The following AMIGO1 variants were observed in gnomAD, a reference collection of about 807,000 sequenced individuals.
AMIGO1 encodes adhesion molecule with Ig like domain 1.
For missense variants in AMIGO1, 361 were observed against 612.3 expected (o/e 0.59, Z 4.33); for synonymous variants, 249 against 266.3 (o/e 0.93, Z 0.63).
rs1490058600 is a variant in AMIGO1, at chr1:109,506,357, A to G, written c.*1074T>C. The stretch of plus-strand genomic sequence containing the variant: ...GGCTTTCTTGGACTCCTCCCTTTAC[A>G]GAGCAGCATATTAGGGAAAATTCAG... On this transcript the variant is annotated 3_prime_UTR_variant, in exon 2 of 2. Transcript: ENST00000369864. The G allele has an allele frequency of 6.6e-6, 1 of 152,240 alleles. No individual in the cohort carries two copies. Among genetic ancestry groups the G allele is most frequent in the Non-Finnish European group, 1.5e-5 (1 of 68,042 alleles). 9.4% of individuals were successfully genotyped at this position (152,240 alleles called of 1,614,324 possible).
chr1:109,508,310 T>C lies in AMIGO1; in HGVS notation c.603A>G (p.Pro201=), dbSNP rs767313622. The C allele has an allele frequency of 1.9e-6, 3 of 1,614,068 alleles. No individual in the cohort carries two copies. Among genetic ancestry groups the C allele is most frequent in the Non-Finnish European group, 2.5e-6 (3 of 1,179,988 alleles). Residue 201 remains proline, a synonymous_variant, in exon 2 of 2, where the codon CCA becomes CCG. Coordinates refer to ENST00000369864, the MANE Select transcript of AMIGO1 (RefSeq NM_020703.4). This position sits in a 1 kb window ranked among gnomAD's most constrained non-coding sequence, Gnocchi z 7.8. ...DLSSNKLKNL[P]LPDLQKLPAW... ...CCGGCAGCTTCTGCAGGTCAGGCAATGGCAAGTTCTTCAGCTTGTTAGAAG... is the reference window on the plus strand; with the variant it reads ...CCGGCAGCTTCTGCAGGTCAGGCAACGGCAAGTTCTTCAGCTTGTTAGAAG...
chr1:109,505,604 T>C lies in AMIGO1; in HGVS notation c.*1827A>G, dbSNP rs1657991305. On this transcript the variant is annotated 3_prime_UTR_variant, in exon 2 of 2. Transcript: ENST00000369864. ...TCTCTCAACAAAACTAGGTTACTAATAAAGGATGGACAGCAGTCTTGAGTT... is the reference window on the plus strand; with the variant it reads ...TCTCTCAACAAAACTAGGTTACTAACAAAGGATGGACAGCAGTCTTGAGTT... 6.6e-6 allele frequency: 1 copy of C among 152,164 alleles called. No individual in the cohort carries two copies. The highest frequency in any genetic ancestry group is 2.4e-5 in the African/African-American group (1 of 41,420). The allele number at this position is 152,164 out of a possible 1,614,324, so 9.4% of individuals were successfully genotyped here. A position where few individuals can be genotyped will look rare whatever the true frequency, so the allele number is the denominator to read the frequency against.
rs140250244 is a variant in AMIGO1 at position 109,508,757 on chromosome 1, C to G, written c.156G>C (p.Leu52=). 2 of 1,613,870 alleles carry G rather than the reference C, an allele frequency of 1.2e-6. No individual in the cohort carries two copies. The highest frequency in any genetic ancestry group is 2.7e-5 in the African/African-American group (2 of 74,892). Residue 52 remains leucine (L), a synonymous_variant, in exon 2 of 2, where the codon CTG becomes CTC. Transcript: ENST00000369864. This position sits in a 1 kb window ranked among gnomAD's most constrained non-coding sequence, Gnocchi z 7.8. ...TGGGCAAGGAATGGGGCACATTGGG[C>G]AGCTGCTGCTTGGAGCAGCTGAGGA... The part of the protein sequence containing the change: ...SNILSCSKQQ[L]PNVPHSLPSY...
Position 109,504,829 on chromosome 1 carries a change from T to G in AMIGO1, c.*2602A>C, listed in dbSNP as rs1229118392. The G allele has an allele frequency of 6.6e-6, 1 of 152,312 alleles. No individual in the cohort carries two copies. The highest frequency in any genetic ancestry group is 2.1e-4 in the South Asian group (1 of 4,830). 9.4% of individuals were successfully genotyped at this position (152,312 alleles called of 1,614,324 possible). ...CATTCCCTAAACTGGGTAGGAATTA[T>G]GAAGAAAACGGCCCTCCCAGTCCTC... is the stretch of plus-strand genomic sequence containing the variant. On this transcript the variant is annotated 3_prime_UTR_variant, in exon 2 of 2. Transcript: ENST00000369864.
rs1395935560 is a variant in AMIGO1 at position 109,505,274 on chromosome 1, C to T, written c.*2157G>A. 6.6e-6 allele frequency: 1 copy of T among 152,232 alleles called. No homozygotes were observed. Among genetic ancestry groups the T allele is most frequent in the Non-Finnish European group, 1.5e-5 (1 of 68,048 alleles). The allele number at this position is 152,232 out of a possible 1,614,324, so 9.4% of individuals were successfully genotyped here. A position where few individuals can be genotyped will look rare whatever the true frequency, so the allele number is the denominator to read the frequency against. ...CCAAGGCCTTCAACCCATGGTTCTT[C>T]TAACTCCAGCCTGGGCAGAAAAGTG... is the stretch of plus-strand genomic sequence containing the variant. On this transcript the variant is annotated 3_prime_UTR_variant, in exon 2 of 2. Transcript: ENST00000369864.
chr1:109,507,221 A>C lies in AMIGO1; in HGVS notation c.*210T>G. 1.7e-6 allele frequency: 1 copy of C among 594,714 alleles called. No homozygotes were observed. The highest frequency in any genetic ancestry group is 3.0e-5 in the East Asian group (1 of 33,806). 36.8% of individuals were successfully genotyped at this position (594,714 alleles called of 1,614,324 possible). ...GCAGGGCTTTGGGTACGGGTGTAGCATTTGCCTGAGGATTAATATACCCCC... is the reference window on the plus strand; with the variant it reads ...GCAGGGCTTTGGGTACGGGTGTAGCCTTTGCCTGAGGATTAATATACCCCC... On this transcript the variant is annotated 3_prime_UTR_variant, in exon 2 of 2. Coordinates refer to ENST00000369864, the MANE Select transcript of AMIGO1 (RefSeq NM_020703.4). The surrounding 1 kb of genome is among the most constrained non-coding windows in gnomAD (Gnocchi z 4.7).
Position 109,506,493 on chromosome 1 carries a change from T to G in AMIGO1, c.*938A>C, listed in dbSNP as rs556121171. 6.6e-6 allele frequency: 1 copy of G among 152,364 alleles called. No homozygotes were observed. The highest frequency in any genetic ancestry group is 6.5e-5 in the Admixed American group (1 of 15,308). 9.4% of individuals were successfully genotyped at this position (152,364 alleles called of 1,614,324 possible). On this transcript the variant is annotated 3_prime_UTR_variant, in exon 2 of 2. Transcript: ENST00000369864. ...AGAGGCTGATTTACCTTCATCCTTC[T>G]ATCGTGAAGTGGGCCCATGTACCAC...
chr1:109,508,942 CA>C lies in AMIGO1; in HGVS notation c.-31del. 1 of 1,493,328 alleles carries C rather than the reference CA, an allele frequency of 6.7e-7. No homozygotes were observed. The highest frequency in any genetic ancestry group is 8.9e-7 in the Non-Finnish European group (1 of 1,120,602). The allele number at this position is 1,493,328 out of a possible 1,614,324, so 92.5% of individuals were successfully genotyped here. A position where few individuals can be genotyped will look rare whatever the true frequency, so the allele number is the denominator to read the frequency against. On this transcript the variant is annotated 5_prime_UTR_variant, in exon 2 of 2. Coordinates refer to ENST00000369864, the MANE Select transcript of AMIGO1 (RefSeq NM_020703.4). The surrounding 1 kb of genome is among the most constrained non-coding windows in gnomAD (Gnocchi z 7.8). The stretch of plus-strand genomic sequence containing the variant: ...TCACTGGAGTGGGCGAGGAAGGCCA[CA>C]AGGAAGATCTGGGAGGAGGTCACCC...
In AMIGO1 at chr1:109,507,282, T is replaced by G. The variant is rs1658047869; in HGVS notation, c.*149A>C. The G allele has an allele frequency of 2.7e-6, 3 of 1,129,270 alleles. No individual in the cohort carries two copies. The highest frequency in any genetic ancestry group is 5.0e-5 in the East Asian group (2 of 39,968). The allele number at this position is 1,129,270 out of a possible 1,614,324, so 70.0% of individuals were successfully genotyped here. ...CGTGGCAGCCACGCCCTGTTTGGGG[T>G]CTTGCTCTCTGTTGTACCTGGGACC... On this transcript the variant is annotated 3_prime_UTR_variant, in exon 2 of 2. Transcript: ENST00000369864. The surrounding 1 kb of genome is among the most constrained non-coding windows in gnomAD (Gnocchi z 4.7).
chr1:109,509,142 C>T, intron 1 of AMIGO1, 143 bp from the exon 2 acceptor site: 1 of 577,804 alleles, frequency 1.7e-6, no homozygotes, highest in South Asian at 2.3e-5. Context: ...ACTGTGCAGG[C>T]AGTGGGCTGT....
rs1163496008 is a variant in AMIGO1 at position 109,506,233 on chromosome 1, G to C, written c.*1198C>G. 1 of 152,174 alleles carries C rather than the reference G, an allele frequency of 6.6e-6. No individual in the cohort carries two copies. The highest frequency in any genetic ancestry group is 2.4e-5 in the African/African-American group (1 of 41,432). The allele number at this position is 152,174 out of a possible 1,614,324, so 9.4% of individuals were successfully genotyped here. ...CCCATGCTTTGACTTTGCAGCAGAG[G>C]TGGTATCTCTGAGAGGAGCAAGGCA... On this transcript the variant is annotated 3_prime_UTR_variant, in exon 2 of 2. Coordinates refer to ENST00000369864, the MANE Select transcript of AMIGO1 (RefSeq NM_020703.4).
In AMIGO1 at chr1:109,508,100, G is replaced by A; in HGVS notation, c.813C>T (p.Gly271=). 2.5e-6 allele frequency: 4 copies of A among 1,614,114 alleles called. No homozygotes were observed. Among genetic ancestry groups the A allele is most frequent in the Non-Finnish European group, 2.5e-6 (3 of 1,180,036 alleles). Residue 271 remains glycine, a synonymous_variant, in exon 2 of 2, where the codon GGC becomes GGT. Coordinates refer to ENST00000369864, the MANE Select transcript of AMIGO1 (RefSeq NM_020703.4). The surrounding 1 kb of genome is among the most constrained non-coding windows in gnomAD (Gnocchi z 7.8). ...CCTCCCAGGCACGCTCCTTGTACTC[G>A]CCACAGTTGAGGAAACTCAGGTTGA... ...NVFNLSFLNC[G]EYKERAWEAH...
Position 109,507,955 on chromosome 1 carries a change from C to A in AMIGO1, c.958G>T (p.Val320Leu). ...AAAAGAAGACTGCCATCCTTAGACA[C>A]ACTCACTGTGCCATTGGTCACCTCA... Reference protein sequence around the residue: ...LDEVTNGTVSVSKDGSLLFQQ... With the variant: ...LDEVTNGTVSLSKDGSLLFQQ... The change falls in exon 2 of 2, where the codon GTG becomes TTG. Residue 320 changes from valine (V) to leucine (L), a missense_variant. Physicochemically the swap from Val to Leu is conservative, Grantham distance 32 (BLOSUM62 1). Coordinates refer to ENST00000369864, the MANE Select transcript of AMIGO1 (RefSeq NM_020703.4). This position sits in a 1 kb window ranked among gnomAD's most constrained non-coding sequence, Gnocchi z 4.7. 6.2e-7 allele frequency: 1 copy of A among 1,614,188 alleles called. No homozygotes were observed. Among genetic ancestry groups the A allele is most frequent in the Non-Finnish European group, 8.5e-7 (1 of 1,180,042 alleles).
chr1:109,507,805 G>A lies in AMIGO1; in HGVS notation c.1108C>T (p.Leu370Phe), dbSNP rs769194902. ...ACTAGGGTGGTATAGGCTGTGTTGA[G>A]GGTGTCATGGTGTCCGTGCAAGGTG... is the stretch of plus-strand genomic sequence containing the variant. ...NFTLHGHHDT[L>F]NTAYTTLVGC... Residue 370 changes from leucine (L) to phenylalanine (F), a missense_variant, in exon 2 of 2, where the codon CTC becomes TTC. Transcript: ENST00000369864. The surrounding 1 kb of genome is among the most constrained non-coding windows in gnomAD (Gnocchi z 4.7). 3 of 1,614,116 alleles carry A rather than the reference G, an allele frequency of 1.9e-6. No homozygotes were observed. The highest frequency in any genetic ancestry group is 1.7e-6 in the Non-Finnish European group (2 of 1,180,042).
At position 109,507,867 on chromosome 1, in the gene AMIGO1, T is replaced by C; in HGVS notation, c.1046A>G (p.Asn349Ser). 1 of 1,614,134 alleles carries C rather than the reference T, an allele frequency of 6.2e-7. No individual in the cohort carries two copies. Among genetic ancestry groups the C allele is most frequent in the East Asian group, 2.2e-5 (1 of 44,892 alleles). Residue 349 changes from asparagine (N) to serine (S), a missense_variant, in exon 2 of 2, where the codon AAT (asparagine) becomes AGT (serine). Coordinates refer to ENST00000369864, the MANE Select transcript of AMIGO1 (RefSeq NM_020703.4). The surrounding 1 kb of genome is among the most constrained non-coding windows in gnomAD (Gnocchi z 4.7). ...TTTCAATTCCACAGACAGTGTCTCA[T>C]TGAAAGTCTCTCCCATGGCATAGCA... ...YTCYAMGETF[N>S]ETLSVELKVH...
At chr1:109,509,045 G>A in intron 1 of AMIGO1, 46 bp from the exon 2 acceptor site, 1 of 1,058,626 alleles carries the variant, frequency 9.4e-7, no homozygotes. Flanking sequence ...GACTCCAGAG[G>A]GAAGGACACC....
chr1:109,509,586 C>T lies in AMIGO1; in HGVS notation c.-254G>A, dbSNP rs1478114231. ...CTTGCGGGGCCCCGCTCCGCTCACC[C>T]TGCCACCGCCTCGACCGCTGAGCCC... is the stretch of plus-strand genomic sequence containing the variant. On this transcript the variant is annotated 5_prime_UTR_variant, in exon 1 of 2. Transcript: ENST00000369864. 6.6e-6 allele frequency: 1 copy of T among 151,902 alleles called. No homozygotes were observed. Among genetic ancestry groups the T allele is most frequent in the Non-Finnish European group, 1.5e-5 (1 of 67,930 alleles). The allele number at this position is 151,902 out of a possible 1,614,324, so 9.4% of individuals were successfully genotyped here. A position where few individuals can be genotyped will look rare whatever the true frequency, so the allele number is the denominator to read the frequency against.
chr1:109,508,427 T>C lies in AMIGO1; in HGVS notation c.486A>G (p.Lys162=). 3 of 1,613,978 alleles carry C rather than the reference T, an allele frequency of 1.9e-6. No homozygotes were observed. Among genetic ancestry groups the C allele is most frequent in the Non-Finnish European group, 2.5e-6 (3 of 1,179,992 alleles). ...AGATCTGGTTCTGGCTCAAGTAGAG[T>C]TTCTGCAGCTGGGCCATGTCATCGA... The part of the protein sequence containing the change: ...CAFDDMAQLQ[K]LYLSQNQISR... The change falls in exon 2 of 2, where the codon AAA becomes AAG. Residue 162 remains lysine, a synonymous_variant. Coordinates refer to ENST00000369864, the MANE Select transcript of AMIGO1 (RefSeq NM_020703.4). This position sits in a 1 kb window ranked among gnomAD's most constrained non-coding sequence, Gnocchi z 7.8.
In AMIGO1 at chr1:109,507,188, G is replaced by A; in HGVS notation, c.*243C>T. The A allele has an allele frequency of 2.1e-6, 1 of 485,174 alleles. No homozygotes were observed. Among genetic ancestry groups the A allele is most frequent in the Non-Finnish European group, 3.6e-6 (1 of 274,694 alleles). 30.1% of individuals were successfully genotyped at this position (485,174 alleles called of 1,614,324 possible). A position where few individuals can be genotyped will look rare whatever the true frequency, so the allele number is the denominator to read the frequency against. On this transcript the variant is annotated 3_prime_UTR_variant, in exon 2 of 2. Transcript: ENST00000369864. The surrounding 1 kb of genome is among the most constrained non-coding windows in gnomAD (Gnocchi z 4.7). ...CATGCTTCTCTTCCTCTACCACACT[G>A]AGAATTGGCAGGGCTTTGGGTACGG...
Sources: allele counts gnomAD v4.1 joint callset, GRCh38; gene constraint gnomAD v4.1.1; non-coding constraint Gnocchi (gnomAD v3.1); transcripts MANE v1.5; gene names NCBI Gene and HGNC (gene_info 2026-07-23, HGNC 2026-07-21).